SLC2A9: variants seen among roughly 807,000 people sequenced by gnomAD.
SLC2A9 encodes the protein solute carrier family 2 member 9.
A neutral mutation model predicts 50.6 loss-of-function variants in SLC2A9; 39 were observed. The ratio of observed to expected loss-of-function variants is 0.77; its 90% CI spans 0.60 to 1.01. The LOEUF (loss-of-function observed/expected upper bound fraction) is 1.01. SLC2A9 is among the 50% of genes least tolerant of loss of function. SLC2A9 has a pLI of 0.00. For missense variants in SLC2A9, 686 were observed against 677.6 expected (o/e 1.01, Z -0.14); for synonymous variants, 324 against 276.9 (o/e 1.17, Z -1.69).
intron 3 of SLC2A9, among the ~76,000 whole-genome samples, chr4:9,806,661 A>T (rs1301377582): frequency 6.6e-6 from 1 of 152,152 alleles, no homozygotes; most frequent in Non-Finnish European, 1.5e-5. Context: ...CTTGGAATAA[A>T]GGCTGTGTGC....
chr4:9,988,065 A>G (rs1757048869), intron 3 of SLC2A9, among the ~76,000 whole-genome samples: 2 of 152,258 alleles, frequency 1.3e-5, no homozygotes, highest in South Asian at 2.1e-4. Context: ...AGATCACTAC[A>G]TCTTGTCTTC....
chr4:9,942,395 T>A (rs1346702861), intron 5 of SLC2A9, among the ~76,000 whole-genome samples: 3 of 152,190 alleles, frequency 2.0e-5, no homozygotes, highest in Non-Finnish European at 4.4e-5. Flanking sequence ...TCTCCTTCTC[T>A]TCAACACCAG....
At chr4:9,918,920 C>A (rs1042526874) in intron 7 of SLC2A9, among the ~76,000 whole-genome samples, 2 of 152,138 alleles carry the variant, frequency 1.3e-5, no homozygotes, top group Non-Finnish European at 2.9e-5. Flanking sequence ...TTGGGAGCAG[C>A]TGAGATTTTT....
At chr4:9,781,972 G>T in intron 3 of SLC2A9, 1 of 1,359,346 alleles carries the variant, frequency 7.4e-7, no homozygotes, top group Non-Finnish European at 9.6e-7. Context: ...GGGCTGCCTG[G>T]GGGTCGCAGG....
intron 2 of SLC2A9, among the ~76,000 whole-genome samples, chr4:10,016,101 C>A: frequency 6.6e-6 from 1 of 152,232 alleles, no homozygotes; most frequent in East Asian, 1.9e-4. Flanking sequence ...GTTCAAAGGA[C>A]ACCAGGCTAA....
At chr4:9,950,954 A>T (rs2108842791) in intron 5 of SLC2A9, among the ~76,000 whole-genome samples, 1 of 152,010 alleles carries the variant, frequency 6.6e-6, no homozygotes, top group Non-Finnish European at 1.5e-5. Flanking sequence ...AAAACTAAAA[A>T]TACAATTACC....
chr4:9,956,181 G>A (rs1358007646), intron 5 of SLC2A9, among the ~76,000 whole-genome samples: 1 of 151,528 alleles, frequency 6.6e-6, no homozygotes, highest in Non-Finnish European at 1.5e-5. Flanking sequence ...GTGAGCATCT[G>A]GATTTTTAAA....
upstream of SLC2A9, among the ~76,000 whole-genome samples, chr4:10,023,225 C>A (rs1763630156): frequency 6.6e-6 from 1 of 152,126 alleles, no homozygotes; most frequent in Non-Finnish European, 1.5e-5. Flanking sequence ...CAGATGCCTG[C>A]AGTGTGTGGG....
chr4:9,794,215 C>A (rs1218039428), downstream of SLC2A9, among the ~76,000 whole-genome samples: 1 of 151,016 alleles, frequency 6.6e-6, no homozygotes, highest in Non-Finnish European at 1.5e-5. Flanking sequence ...ATGGTGCGAT[C>A]TTGGCTCACT....
intron 6 of SLC2A9, among the ~76,000 whole-genome samples, chr4:9,929,047 C>T (rs972317735): frequency 6.6e-6 from 1 of 152,230 alleles, no homozygotes; most frequent in African/African-American, 2.4e-5. Flanking sequence ...TTGTCACCTG[C>T]TTCTGTTTGG....
At chr4:10,008,409 C>A (rs1411894290) in intron 2 of SLC2A9, among the ~76,000 whole-genome samples, 2 of 152,292 alleles carry the variant, frequency 1.3e-5, no homozygotes, top group African/African-American at 4.8e-5. Flanking sequence ...TCAAACCAAA[C>A]CAAACAATGA....
At position 9,826,276 on chromosome 4, in the gene SLC2A9, T is replaced by A; in HGVS notation, c.*121A>T. On this transcript the variant is annotated 3_prime_UTR_variant, in exon 12 of 12. Coordinates refer to ENST00000264784, the MANE Select transcript of SLC2A9 (RefSeq NM_020041.3). ...TATTTAATAATATAAAAGACTTGCA[T>A]AGCTTCAATTCATTTAAGCTTCCCA... 2 of 928,534 alleles carry A rather than the reference T, an allele frequency of 2.2e-6. No homozygotes were observed. Among genetic ancestry groups the A allele is most frequent in the South Asian group, 2.8e-5 (2 of 71,900 alleles). The allele number at this position is 928,534 out of a possible 1,614,324, so 57.5% of individuals were successfully genotyped here.
chr4:9,908,959 C>A (rs781542264), intron 7 of SLC2A9, among the ~76,000 whole-genome samples: 5 of 152,120 alleles, frequency 3.3e-5, no homozygotes, highest in Non-Finnish European at 5.9e-5. Flanking sequence ...GCCTCAGCAG[C>A]CTTTTTTGGA....
At chr4:9,988,803 G>A (rs1257465437) in intron 3 of SLC2A9, among the ~76,000 whole-genome samples, 1 of 152,222 alleles carries the variant, frequency 6.6e-6, no homozygotes, top group Non-Finnish European at 1.5e-5. Flanking sequence ...AGATTGGAGG[G>A]CATGTCCCTT....
chr4:9,841,629 G>C (rs1728094512), intron 10 of SLC2A9, among the ~76,000 whole-genome samples: 1 of 152,162 alleles, frequency 6.6e-6, no homozygotes, highest in Non-Finnish European at 1.5e-5. Flanking sequence ...AAATGTGGCA[G>C]GGGTGGGGTG....
chr4:10,002,395 T>C (rs1578279007), intron 2 of SLC2A9, among the ~76,000 whole-genome samples: 1 of 152,344 alleles, frequency 6.6e-6, no homozygotes, highest in Middle Eastern at 3.4e-3. Context: ...CTGAGAGTTA[T>C]ATAACCTGCC....
intron 10 of SLC2A9, among the ~76,000 whole-genome samples, chr4:9,874,126 C>T (rs1020279449): frequency 6.6e-6 from 1 of 152,170 alleles, no homozygotes; most frequent in African/African-American, 2.4e-5. Context: ...TCCAGTTTTA[C>T]ATGTGTCCTA....
chr4:9,790,162 T>C (rs1158294402), intron 3 of SLC2A9, among the ~76,000 whole-genome samples: 2 of 152,220 alleles, frequency 1.3e-5, no homozygotes, highest in African/African-American at 4.8e-5. Flanking sequence ...TTTTGGGCTT[T>C]ACACAACTCT....
intron 3 of SLC2A9, among the ~76,000 whole-genome samples, chr4:9,788,673 C>A (rs756268344): frequency 3.9e-4 from 60 of 152,284 alleles, no homozygotes; most frequent in Non-Finnish European, 7.5e-4. Flanking sequence ...AAGACTGTCC[C>A]TGCCCTCAAA....
Sources: gnomAD v4.1 joint callset for allele counts (sites outside exome capture counted in the v4.1 genomes callset) on GRCh38, gnomAD v4.1.1 for gene constraint, MANE v1.5 for transcripts, NCBI Gene and HGNC (gene_info 2026-07-23, HGNC 2026-07-21) for gene names.